The following OTUD7A variants were observed in gnomAD, a reference collection of about 807,000 sequenced individuals.
OTUD7A encodes the protein OTU deubiquitinase 7A, also known as OTU domain-containing protein 7A.
In OTUD7A, 12 loss-of-function variants were observed where a neutral mutation model predicts 65.7. The observed-to-expected ratio is 0.18, with a 90% CI of 0.12 to 0.30. The LOEUF is 0.30. Ranked by LOEUF, OTUD7A falls within the 10% of genes least tolerant of loss-of-function variation. The pLI is 1.00. For missense variants in OTUD7A, 1,148 were observed against 1,304.8 expected, an observed-to-expected ratio of 0.88 and a Z score of 1.85; for synonymous variants, 641 against 586.3, an observed-to-expected ratio of 1.09 and a Z score of -1.35.
rs1462543388 is a variant in OTUD7A, at chr15:31,570,162, A to G, written c.187T>C (p.Tyr63His). The change falls in exon 4 of 13, where the codon TAT becomes CAT. Residue 63 changes from tyrosine (Y) to histidine (H), a missense_variant. Transcript: ENST00000307050. ...NWDLTAALSDYEQLRQVHTAN... is the reference protein window; with the variant it reads ...NWDLTAALSDHEQLRQVHTAN... ...GTGTGCACCTGGCGGAGCTGCTCATAGTCGCTCAGAGCGGCTGTCAGGTCC... is the reference window on the plus strand; with the variant it reads ...GTGTGCACCTGGCGGAGCTGCTCATGGTCGCTCAGAGCGGCTGTCAGGTCC... 1 of 1,614,110 alleles carries G rather than the reference A, an allele frequency of 6.2e-7. No individual in the cohort carries two copies. The highest frequency in any genetic ancestry group is 1.3e-5 in the African/African-American group (1 of 74,942).
intron 8 of OTUD7A, among the ~76,000 whole-genome samples, chr15:31,522,424 C>T (rs1379189864): frequency 6.6e-6 from 1 of 152,228 alleles, no homozygotes; most frequent in African/African-American, 2.4e-5. Context: ...ACACCACTGG[C>T]TTTCCTGGGT....
At chr15:31,527,961 G>A (rs985194739) in intron 6 of OTUD7A, among the ~76,000 whole-genome samples, 3 of 152,256 alleles carry the variant, frequency 2.0e-5, no homozygotes, top group Non-Finnish European at 4.4e-5. Flanking sequence ...ACTCATGGGA[G>A]AAGTGCTCAA....
At chr15:31,863,700 C>G (rs1897805500) in intron 1 of OTUD7A, among the ~76,000 whole-genome samples, 1 of 152,226 alleles carries the variant, frequency 6.6e-6, no homozygotes, top group African/African-American at 2.4e-5. Context: ...CAGACCTGTT[C>G]TCCAGAGGGG....
intron 1 of OTUD7A, among the ~76,000 whole-genome samples, chr15:31,864,760 T>TACAC (rs72128495): frequency 0.014 from 1,991 of 146,552 alleles, 45 homozygotes; most frequent in African/African-American, 0.047. Context: ...CTCCTCTTCC[T>TACAC]ACACACACAC....
chr15:31,809,027 T>C (rs1197162171), intron 1 of OTUD7A, among the ~76,000 whole-genome samples: 7 of 152,058 alleles, frequency 4.6e-5, no homozygotes, highest in Admixed American at 4.6e-4. Context: ...GACCAAGAAG[T>C]GCCTGGGGGA....
At chr15:31,739,121 C>T (rs1019592912) in intron 1 of OTUD7A, among the ~76,000 whole-genome samples, 1 of 152,216 alleles carries the variant, frequency 6.6e-6, no homozygotes, top group African/African-American at 2.4e-5. Flanking sequence ...GATTTACAAA[C>T]ACCCCAGGTA....
At chr15:31,660,861 T>G (rs71476554) in intron 1 of OTUD7A, among the ~76,000 whole-genome samples, 7,041 of 152,318 alleles carry the variant, frequency 0.046, 313 homozygotes, top group African/African-American at 0.12. Flanking sequence ...CATTGTCTTG[T>G]AGGAACTGAG....
intron 1 of OTUD7A, among the ~76,000 whole-genome samples, chr15:31,831,234 C>T (rs976300741): frequency 1.3e-5 from 2 of 152,122 alleles, no homozygotes; most frequent in African/African-American, 4.8e-5. Context: ...CATGCCTTAG[C>T]ATAGGCAAAA....
chr15:31,684,579 T>C (rs1254335173), intron 1 of OTUD7A, among the ~76,000 whole-genome samples: 2 of 149,812 alleles, frequency 1.3e-5, no homozygotes, highest in East Asian at 3.9e-4. Context: ...AGCTTACTCA[T>C]GTGATCATTC....
intron 1 of OTUD7A, among the ~76,000 whole-genome samples, chr15:31,697,482 G>A (rs560125666): frequency 1.2e-4 from 16 of 135,064 alleles, no homozygotes; most frequent in Admixed American, 6.1e-4. Flanking sequence ...GCCTCCAGGG[G>A]GCCACAAAGA....
chr15:31,486,406 G>T (rs1056604394), intron 12 of OTUD7A, among the ~76,000 whole-genome samples: 3 of 152,220 alleles, frequency 2.0e-5, no homozygotes, highest in Non-Finnish European at 2.9e-5. Context: ...GCTGGCCACC[G>T]CCCGACTCCT....
chr15:31,511,363 CATATATATGTATATCTATATGTAACACAT>C (rs1566893561), intron 8 of OTUD7A, among the ~76,000 whole-genome samples: 3 of 5,000 alleles, frequency 6.0e-4, no homozygotes, highest in South Asian at 0.011. Context: ...ATGTAACACA[CATATATATGTATATCTATATGTAACACAT>C]ATATATGTAT....
At chr15:31,674,229 C>T (rs1251697623) in intron 1 of OTUD7A, among the ~76,000 whole-genome samples, 3 of 152,096 alleles carry the variant, frequency 2.0e-5, no homozygotes, top group South Asian at 2.1e-4. Context: ...GGGTGTTGGC[C>T]GGGCACAGAT....
chr15:31,520,099 T>A (rs1343159987), intron 8 of OTUD7A, among the ~76,000 whole-genome samples: 1 of 152,148 alleles, frequency 6.6e-6, no homozygotes, highest in Non-Finnish European at 1.5e-5. Context: ...ACAATCCCTA[T>A]CAAGTTACCA....
intron 3 of OTUD7A, among the ~76,000 whole-genome samples, chr15:31,570,797 C>A (rs1468636975): frequency 1.3e-5 from 2 of 152,048 alleles, no homozygotes; most frequent in Non-Finnish European, 2.9e-5. Flanking sequence ...AGGGCTCCCA[C>A]CCCGACACGG....
Position 31,860,677 on chromosome 15 carries a change from G to GTATATATACA in OTUD7A, c.-100+9829_-100+9830insTGTATATATA, listed in dbSNP as rs1897708047. Among the ~76,000 whole-genome samples, 326 of 73,222 alleles carry GTATATATACA rather than the reference G, an allele frequency of 4.5e-3. 5 individuals are homozygous for GTATATATACA. The highest frequency in any genetic ancestry group is 0.015 in the African/African-American group (315 of 21,574). The allele number at this position is 73,222 out of a possible 152,430, so 48.0% of individuals were successfully genotyped here. On this transcript the variant is annotated intron_variant, in intron 1 of 12. Coordinates refer to ENST00000307050, the MANE Select transcript of OTUD7A (RefSeq NM_001382637.1). ...TGTGTGTATATATAGATGTATGTGT[G>GTATATATACA]TATATATATATATATATATATATGT...
At chr15:31,545,985 T>C (rs1595599157) in intron 5 of OTUD7A, among the ~76,000 whole-genome samples, 1 of 152,338 alleles carries the variant, frequency 6.6e-6, no homozygotes, top group Admixed American at 6.5e-5. Context: ...ATCTTGAATT[T>C]GCTGTGTGCC....
At position 31,498,207 on chromosome 15, in the gene OTUD7A, C is replaced by G. The variant is rs2041415931; in HGVS notation, c.1171+3483G>C. ...TGCTCAGCACACCTGTGTCCCCTCT[C>G]TGTGTAACTGGGCACCCCACATATG... On this transcript the variant is annotated intron_variant, in intron 10 of 12. Coordinates refer to ENST00000307050, the MANE Select transcript of OTUD7A (RefSeq NM_001382637.1). The surrounding 1 kb of genome is among the most constrained non-coding windows in gnomAD (Gnocchi z 4.2). Among the ~76,000 whole-genome samples, 1 of 152,218 alleles carries G rather than the reference C, an allele frequency of 6.6e-6. No individual in the cohort carries two copies. Among genetic ancestry groups the G allele is most frequent in the African/African-American group, 2.4e-5 (1 of 41,458 alleles).
At chr15:31,656,710 C>T (rs1443380532) in intron 2 of OTUD7A, among the ~76,000 whole-genome samples, 1 of 151,952 alleles carries the variant, frequency 6.6e-6, no homozygotes, top group African/African-American at 2.4e-5. Context: ...TGTCAGTGGC[C>T]CATGCTTTAG....
Sources: gnomAD v4.1 joint callset for allele counts (sites outside exome capture counted in the v4.1 genomes callset) on GRCh38, gnomAD v4.1.1 for gene constraint, Gnocchi (gnomAD v3.1) non-coding constraint, MANE v1.5 for transcripts, NCBI Gene and HGNC (gene_info 2026-07-23, HGNC 2026-07-21) for gene names.